Variants in BMPER observed in about 807,000 individuals in gnomAD.
BMPER encodes BMP-binding endothelial regulator protein.
Under a neutral mutation model 87.3 loss-of-function variants are expected in BMPER, and 45 were observed. That is an observed-to-expected ratio of 0.52 (90% CI 0.41 to 0.66). BMPER has a LOEUF of 0.66. Ranked by LOEUF, BMPER falls within the 30% of genes least tolerant of loss-of-function variation. BMPER has a pLI of 0.00. For synonymous variants in BMPER, 326 were observed against 316.2 expected (o/e 1.03, Z -0.33); for missense variants, 784 against 867.5 (o/e 0.90, Z 1.21).
rs140287784 is a variant in BMPER at position 33,981,448 on chromosome 7, C to G, written c.576+6664C>G. On this transcript the variant is annotated intron_variant, in intron 6 of 14. Transcript: ENST00000649409. ...TTCTTTAGGGAAGCTTGTTCTGATTCCCAAGACCAGATCACTTCCTGTTGG... is the reference window on the plus strand; with the variant it reads ...TTCTTTAGGGAAGCTTGTTCTGATTGCCAAGACCAGATCACTTCCTGTTGG... 3.9e-4 allele frequency among the ~76,000 whole-genome samples: 60 copies of G among 152,320 alleles called. No homozygotes were observed. In the East Asian group the frequency reaches 0.011, roughly 27 times the overall value.
At chr7:34,070,056 A>G (rs564210282) in intron 11 of BMPER, among the ~76,000 whole-genome samples, 1 of 152,040 alleles carries the variant, frequency 6.6e-6, no homozygotes, top group East Asian at 1.9e-4. Flanking sequence ...CCACAGCTCC[A>G]CTTTCATGGT....
intron 6 of BMPER, among the ~76,000 whole-genome samples, chr7:33,978,289 G>C (rs1785745828): frequency 6.6e-6 from 1 of 152,178 alleles, no homozygotes; most frequent in Admixed American, 6.5e-5. Flanking sequence ...CACCAAACCA[G>C]CCAGCACCTT....
At chr7:33,969,333 A>G (rs1785478567) in intron 4 of BMPER, among the ~76,000 whole-genome samples, 3 of 152,228 alleles carry the variant, frequency 2.0e-5, no homozygotes, top group Admixed American at 2.0e-4. Flanking sequence ...AATTCTAAAA[A>G]TATTTCAATT....
chr7:33,951,750 C>T (rs1785030879), intron 3 of BMPER, among the ~76,000 whole-genome samples: 1 of 152,108 alleles, frequency 6.6e-6, no homozygotes, highest in African/African-American at 2.4e-5. Context: ...CTTCCTAGTT[C>T]AGCATGTGTC....
At chr7:33,970,838 G>A (rs35334121) in intron 5 of BMPER, among the ~76,000 whole-genome samples, 1 of 152,154 alleles carries the variant, frequency 6.6e-6, no homozygotes, top group Non-Finnish European at 1.5e-5. Flanking sequence ...ATTTAGCTTA[G>A]GGTTTTGCTG....
intron 7 of BMPER, among the ~76,000 whole-genome samples, chr7:34,047,849 C>T (rs1397675028): frequency 1.7e-5 from 1 of 60,214 alleles, no homozygotes; most frequent in Non-Finnish European, 3.3e-5. Flanking sequence ...CTTTCTCTTT[C>T]TATCATTTTG....
intron 10 of BMPER, among the ~76,000 whole-genome samples, chr7:34,061,092 T>A (rs2127964913): frequency 6.6e-6 from 1 of 152,324 alleles, no homozygotes; most frequent in South Asian, 2.1e-4. Context: ...ATAAAATCTC[T>A]AATGTTCATT....
chr7:34,026,235 C>A (rs192982785), intron 6 of BMPER, among the ~76,000 whole-genome samples: 24 of 151,996 alleles, frequency 1.6e-4, no homozygotes, highest in African/African-American at 5.5e-4. Flanking sequence ...GGATTTGGAT[C>A]AGTGGTGGGG....
At chr7:34,105,799 A>T in intron 13 of BMPER, among the ~76,000 whole-genome samples, 1 of 152,168 alleles carries the variant, frequency 6.6e-6, no homozygotes, top group East Asian at 1.9e-4. Flanking sequence ...ATGGCCCATG[A>T]GTTGGAGGAG....
chr7:34,094,408 G>A (rs10261139), intron 13 of BMPER, among the ~76,000 whole-genome samples: 41,890 of 152,068 alleles, frequency 0.28, 6,140 homozygotes, highest in Middle Eastern at 0.33. Context: ...AGGTAGGTGG[G>A]CAGGAAAAGA....
chr7:33,946,694 A>G (rs1784901923), intron 3 of BMPER, among the ~76,000 whole-genome samples: 2 of 152,240 alleles, frequency 1.3e-5, no homozygotes, highest in African/African-American at 4.8e-5. Context: ...ACAGAATCCT[A>G]TCATGACTTT....
At chr7:33,939,585 C>A (rs1016470978) in intron 3 of BMPER, among the ~76,000 whole-genome samples, 1 of 152,150 alleles carries the variant, frequency 6.6e-6, no homozygotes, top group African/African-American at 2.4e-5. Flanking sequence ...AAGGGAGAGA[C>A]CAGGTGGAGG....
chr7:33,982,509 A>G (rs974824938), intron 6 of BMPER, among the ~76,000 whole-genome samples: 3 of 152,114 alleles, frequency 2.0e-5, no homozygotes, highest in African/African-American at 7.2e-5. Context: ...TGAAAAAAAA[A>G]AAAAAGTTTT....
At chr7:34,012,268 A>G (rs1007854593) in intron 6 of BMPER, among the ~76,000 whole-genome samples, 1 of 151,878 alleles carries the variant, frequency 6.6e-6, no homozygotes, top group Non-Finnish European at 1.5e-5. Flanking sequence ...TTTAAATTGT[A>G]GTCTTCAATG....
intron 13 of BMPER, among the ~76,000 whole-genome samples, chr7:34,138,988 C>T (rs975653987): frequency 6.6e-6 from 1 of 152,162 alleles, no homozygotes; most frequent in Non-Finnish European, 1.5e-5. Flanking sequence ...AAAAGGACAA[C>T]GATCTTCCAT....
At chr7:34,148,098 A>G (rs1232412679) in intron 14 of BMPER, among the ~76,000 whole-genome samples, 1 of 152,058 alleles carries the variant, frequency 6.6e-6, no homozygotes, top group African/African-American at 2.4e-5. Context: ...GCCCTCCTCA[A>G]GGTCCATGTC....
rs774532036 is a variant in BMPER at position 33,949,196 on chromosome 7, G to C, written c.319+11808G>C. Among the ~76,000 whole-genome samples, 17 of 152,246 alleles carry C rather than the reference G, an allele frequency of 1.1e-4. No individual in the cohort carries two copies. In the East Asian group the frequency reaches 3.3e-3, roughly 29 times the overall value. On this transcript the variant is annotated intron_variant, in intron 3 of 14. Coordinates refer to ENST00000649409, the MANE Select transcript of BMPER (RefSeq NM_001365308.1). ...CATGACTGCTTATTACTGCAGCAGT[G>C]TTCCAGTGAGACAATTGAGATGAGC...
chr7:34,057,333 T>C (rs1000428260), intron 9 of BMPER, among the ~76,000 whole-genome samples: 2 of 152,208 alleles, frequency 1.3e-5, no homozygotes, highest in Non-Finnish European at 2.9e-5. Context: ...ATTCACAGAT[T>C]ATACCTTTCA....
chr7:33,933,216 T>C (rs979648392), intron 2 of BMPER, among the ~76,000 whole-genome samples: 2 of 152,224 alleles, frequency 1.3e-5, no homozygotes, highest in Non-Finnish European at 2.9e-5. Flanking sequence ...TAGTTTTTCA[T>C]GTTGGCACTT....
Sources: allele counts gnomAD v4.1 joint callset (sites outside exome capture counted in the v4.1 genomes callset), GRCh38; gene constraint gnomAD v4.1.1; transcripts MANE v1.5; gene names NCBI Gene and HGNC (gene_info 2026-07-23, HGNC 2026-07-21).